The following SMOC2 variants were observed in gnomAD, a reference collection of about 807,000 sequenced individuals.
SMOC2 encodes SPARC related modular calcium binding 2, also known as SPARC-related modular calcium-binding protein 2.
In SMOC2, 39 loss-of-function variants were observed where a neutral mutation model predicts 61.4. The ratio of observed to expected loss-of-function variants is 0.64; its 90% confidence interval spans 0.49 to 0.83. The LOEUF is 0.83. Among genes scored for constraint, SMOC2 ranks in the 40% least tolerant of loss-of-function variants. SMOC2 has a pLI of 0.00. For missense variants in SMOC2, 556 were observed against 592.9 expected (o/e 0.94, Z 0.65); for synonymous variants, 247 against 239.9 (o/e 1.03, Z -0.27).
intron 9 of SMOC2, among the ~76,000 whole-genome samples, chr6:168,622,093 G>A (rs1172250732): frequency 7.2e-5 from 11 of 152,066 alleles, no homozygotes; most frequent in African/African-American, 2.7e-4. Flanking sequence ...AGCCTCCTGA[G>A]TAGCTGGGAC....
chr6:168,505,638 GA>G (rs1438680063), intron 1 of SMOC2, among the ~76,000 whole-genome samples: 1 of 152,254 alleles, frequency 6.6e-6, no homozygotes, highest in Non-Finnish European at 1.5e-5. Context: ...ATGTCCTGTG[GA>G]AAGTTATGTT....
chr6:168,492,700 TAGAG>T (rs761568150), intron 1 of SMOC2, among the ~76,000 whole-genome samples: 14 of 152,260 alleles, frequency 9.2e-5, no homozygotes, highest in African/African-American at 3.4e-4. Context: ...GATGACATTT[TAGAG>T]AGAGCACTGT....
chr6:168,646,705 G>A (rs1028771934), intron 9 of SMOC2, among the ~76,000 whole-genome samples: 15 of 152,246 alleles, frequency 9.9e-5, no homozygotes, highest in African/African-American at 2.9e-4. Context: ...TCAGGGACCC[G>A]CCAGTTCAGC....
At chr6:168,656,068 T>G (rs1787315139) in intron 11 of SMOC2, among the ~76,000 whole-genome samples, 1 of 152,264 alleles carries the variant, frequency 6.6e-6, no homozygotes, top group South Asian at 2.1e-4. Flanking sequence ...TGTTTCCTGA[T>G]TTGTGTAATA....
intron 2 of SMOC2, among the ~76,000 whole-genome samples, chr6:168,523,845 A>T (rs1305130643): frequency 6.6e-6 from 1 of 152,216 alleles, no homozygotes; most frequent in East Asian, 1.9e-4. Context: ...CCAAAGAATC[A>T]TACAGAGTAA....
chr6:168,511,347 C>A (rs1040193229), intron 2 of SMOC2, among the ~76,000 whole-genome samples: 6 of 152,088 alleles, frequency 3.9e-5, no homozygotes, highest in African/African-American at 1.4e-4. Context: ...GAAGGGGAAG[C>A]AAACGCATCC....
chr6:168,635,117 C>T (rs956989801), intron 9 of SMOC2, among the ~76,000 whole-genome samples: 10 of 152,266 alleles, frequency 6.6e-5, no homozygotes, highest in South Asian at 4.1e-4. Flanking sequence ...GAGCACTTCA[C>T]GAGTTCTCTC....
intron 1 of SMOC2, among the ~76,000 whole-genome samples, chr6:168,509,141 G>C (rs561101329): frequency 1.5e-4 from 23 of 152,296 alleles, no homozygotes; most frequent in African/African-American, 5.3e-4. Flanking sequence ...AGGCTTCCCT[G>C]GGGTCCGGTG....
chr6:168,656,368 A>G (rs936851367), intron 11 of SMOC2, among the ~76,000 whole-genome samples: 10 of 151,942 alleles, frequency 6.6e-5, no homozygotes, highest in Non-Finnish European at 1.0e-4. Context: ...AAAATTAGCT[A>G]GGCATGATGG....
chr6:168,619,023 T>C (rs1786176833), intron 9 of SMOC2, among the ~76,000 whole-genome samples: 1 of 152,222 alleles, frequency 6.6e-6, no homozygotes, highest in African/African-American at 2.4e-5. Context: ...GAGAACCAAG[T>C]GTTAGATGAC....
chr6:168,483,075 AATACAAATTGGAAAGGAAGGC>A (rs1161827551), intron 1 of SMOC2, among the ~76,000 whole-genome samples: 1 of 152,076 alleles, frequency 6.6e-6, no homozygotes, highest in African/African-American at 2.4e-5. Context: ...AAGAAAAATA[AATACAAATTGGAAAGGAAGGC>A]ATACACATTG....
intron 7 of SMOC2, among the ~76,000 whole-genome samples, chr6:168,585,356 G>C (rs1785024246): frequency 6.6e-6 from 1 of 152,142 alleles, no homozygotes; most frequent in South Asian, 2.1e-4. Flanking sequence ...ATGGTTTTGA[G>C]CTTCATCCTC....
chr6:168,451,599 G>GTCTCTC (rs59096709), intron 1 of SMOC2, among the ~76,000 whole-genome samples: 4,869 of 145,510 alleles, frequency 0.033, 122 homozygotes, highest in Admixed American at 0.064. Flanking sequence ...CTCTGTCTCT[G>GTCTCTC]TCTCTCTCTC....
intron 9 of SMOC2, among the ~76,000 whole-genome samples, chr6:168,616,752 C>G (rs1450432018): frequency 1.3e-5 from 2 of 152,142 alleles, no homozygotes; most frequent in Non-Finnish European, 2.9e-5. Flanking sequence ...CTCAGAAAAA[C>G]CACACATATA....
At chr6:168,649,892 A>T (rs1380777949) in intron 9 of SMOC2, among the ~76,000 whole-genome samples, 1 of 152,192 alleles carries the variant, frequency 6.6e-6, no homozygotes, top group Non-Finnish European at 1.5e-5. Flanking sequence ...TAGCACCGGG[A>T]ACGGTCTCAG....
At position 168,453,634 on chromosome 6, in the gene SMOC2, CTCTCTCTGTCTCTT is replaced by C. The variant is rs762880187; in HGVS notation, c.84+12195_84+12208del. 5.4e-4 allele frequency among the ~76,000 whole-genome samples: 80 copies of C among 149,144 alleles called. No homozygotes were observed. Among genetic ancestry groups the C allele is most frequent in the Non-Finnish European group, 9.4e-4 (62 of 66,292 alleles). On this transcript the variant is annotated intron_variant, in intron 1 of 12. Coordinates refer to ENST00000356284, the MANE Select transcript of SMOC2 (RefSeq NM_001166412.2). The surrounding 1 kb of genome is among the most constrained non-coding windows in gnomAD (Gnocchi z 4.4). Reference sequence around the variant, plus strand: ...TTTCTTCCTGTCTCTGTCTCTTTGTCTCTCTCTGTCTCTTTCTCTCTGTCTCTTCCTGTCTCTTT... The same window carrying C: ...TTTCTTCCTGTCTCTGTCTCTTTGTCTCTCTCTGTCTCTTCCTGTCTCTTT...
rs1783714941 is a variant in SMOC2, at chr6:168,535,767, A to G, written c.464-7858A>G. ...GCTGGAGGTGAGGATGTCAGGAGAGAGGCAGCGCCGCCGGGGGAAGATGGG... is the reference window on the plus strand; with the variant it reads ...GCTGGAGGTGAGGATGTCAGGAGAGGGGCAGCGCCGCCGGGGGAAGATGGG... On this transcript the variant is annotated intron_variant, in intron 4 of 12. Coordinates refer to ENST00000356284, the MANE Select transcript of SMOC2 (RefSeq NM_001166412.2). The surrounding 1 kb of genome is among the most constrained non-coding windows in gnomAD (Gnocchi z 4.6). Among the ~76,000 whole-genome samples, 1 of 152,226 alleles carries G rather than the reference A, an allele frequency of 6.6e-6. No homozygotes were observed. Among genetic ancestry groups the G allele is most frequent in the Non-Finnish European group, 1.5e-5 (1 of 68,044 alleles).
intron 2 of SMOC2, among the ~76,000 whole-genome samples, chr6:168,514,562 T>C (rs1190139397): frequency 2.6e-5 from 4 of 152,244 alleles, no homozygotes; most frequent in Non-Finnish European, 1.5e-5. Context: ...ACCTTGGCTG[T>C]AGTTATAAAT....
rs575799381 is a variant in SMOC2 at position 168,542,947 on chromosome 6, G to A, written c.464-678G>A. Among the ~76,000 whole-genome samples the A allele has an allele frequency of 1.8e-4, 28 of 152,226 alleles. No homozygotes were observed. The East Asian group carries it at 3.3e-3, about 18-fold the overall frequency. The stretch of plus-strand genomic sequence containing the variant: ...ATGTGTATGGCTATGGGAATTCCAC[G>A]TTAATTCTAAACAGAATATTCAACT... On this transcript the variant is annotated intron_variant, in intron 4 of 12. Coordinates refer to ENST00000356284, the MANE Select transcript of SMOC2 (RefSeq NM_001166412.2).
Sources: gnomAD v4.1 joint callset for allele counts (sites outside exome capture counted in the v4.1 genomes callset) on GRCh38, gnomAD v4.1.1 for gene constraint, Gnocchi (gnomAD v3.1) non-coding constraint, MANE v1.5 for transcripts, NCBI Gene and HGNC (gene_info 2026-07-23, HGNC 2026-07-21) for gene names.